CDK15: variants seen among roughly 807,000 people sequenced by gnomAD.
CDK15 encodes cyclin dependent kinase 15, also known as cyclin-dependent kinase 15.
A neutral mutation model predicts 60.3 loss-of-function variants in CDK15; 62 were observed. That is an observed-to-expected ratio of 1.03 (90% CI 0.84 to 1.27). The LOEUF (loss-of-function observed/expected upper bound fraction) is 1.27, where lower values mean the gene tolerates loss of function less well. Ranked by LOEUF, CDK15 falls within the 50% of genes most tolerant of loss-of-function variation. The pLI is 0.00. For missense variants in CDK15, 541 were observed against 527.8 expected, an observed-to-expected ratio of 1.03 and a Z score of -0.25; for synonymous variants, 194 against 195.7, an observed-to-expected ratio of 0.99 and a Z score of 0.07.
chr2:201,892,550 C>T (rs193021575), intron 13 of CDK15, among the ~76,000 whole-genome samples: 9 of 152,278 alleles, frequency 5.9e-5, no homozygotes, highest in African/African-American at 1.7e-4. Context: ...TTGTGGCCTG[C>T]GCCAGCAATT....
chr2:201,849,706 T>G (rs1454289162), intron 9 of CDK15, among the ~76,000 whole-genome samples: 3 of 152,236 alleles, frequency 2.0e-5, no homozygotes, highest in African/African-American at 7.2e-5. Flanking sequence ...TAATATAAAT[T>G]GTAATACTGA....
intron 4 of CDK15, among the ~76,000 whole-genome samples, chr2:201,814,667 A>G (rs1452669729): frequency 3.3e-5 from 5 of 152,158 alleles, no homozygotes; most frequent in African/African-American, 1.2e-4. Context: ...GTCACTAGCT[A>G]AAAAGGCAAC....
chr2:201,806,868 G>A, intron 1 of CDK15, 81 bp downstream of exon 1: 7 of 1,521,994 alleles, frequency 4.6e-6, no homozygotes, highest in Non-Finnish European at 6.2e-6. Context: ...AGCGGGATCT[G>A]ATTCTTCTGC....
chr2:201,863,175 G>A (rs994720093), intron 10 of CDK15, among the ~76,000 whole-genome samples: 14 of 152,224 alleles, frequency 9.2e-5, no homozygotes, highest in Admixed American at 6.5e-4. Context: ...CAGCCACTTT[G>A]ATCTTCATTA....
At chr2:201,826,133 T>G (rs1024673756) in intron 6 of CDK15, among the ~76,000 whole-genome samples, 2 of 152,202 alleles carry the variant, frequency 1.3e-5, no homozygotes, top group Non-Finnish European at 2.9e-5. Context: ...ACTGTAGATG[T>G]GCAACGGCAT....
intron 6 of CDK15, among the ~76,000 whole-genome samples, chr2:201,832,048 A>ATT (rs60328652): frequency 8.3e-4 from 118 of 142,606 alleles, no homozygotes; most frequent in East Asian, 4.9e-3. Context: ...ATTGAAAAAC[A>ATT]TTTTTTTTTT....
At chr2:201,849,063 C>T (rs1476632407) in intron 9 of CDK15, among the ~76,000 whole-genome samples, 1 of 152,152 alleles carries the variant, frequency 6.6e-6, no homozygotes, top group Non-Finnish European at 1.5e-5. Context: ...CTTTGGAGTC[C>T]AAAGACCTGG....
chr2:201,880,437 AT>A (rs1179158493), intron 12 of CDK15, among the ~76,000 whole-genome samples: 1 of 152,180 alleles, frequency 6.6e-6, no homozygotes, highest in Non-Finnish European at 1.5e-5. Flanking sequence ...ACAGGTACAC[AT>A]TTACACTCAG....
At chr2:201,823,986 C>A (rs1696351908) in intron 6 of CDK15, among the ~76,000 whole-genome samples, 1 of 152,054 alleles carries the variant, frequency 6.6e-6, no homozygotes, top group African/African-American at 2.4e-5. Context: ...GTCATGGCTA[C>A]ATGCAAATGT....
At chr2:201,869,704 TAGAA>T (rs35459439) in intron 10 of CDK15, among the ~76,000 whole-genome samples, 5,320 of 151,992 alleles carry the variant, frequency 0.035, 319 homozygotes, top group African/African-American at 0.12. Context: ...CCACTCAAGT[TAGAA>T]AGAGTATTAA....
At chr2:201,838,012 C>G (rs972524893) in intron 8 of CDK15, among the ~76,000 whole-genome samples, 23 of 152,150 alleles carry the variant, frequency 1.5e-4, no homozygotes, top group African/African-American at 5.6e-4. Context: ...TCAGCACTGT[C>G]ACTTCAAAGG....
chr2:201,885,463 T>C (rs1332545562), intron 12 of CDK15, among the ~76,000 whole-genome samples: 3 of 152,220 alleles, frequency 2.0e-5, no homozygotes, highest in African/African-American at 4.8e-5. Flanking sequence ...AAATCCTCCA[T>C]TAATCAGCCC....
chr2:201,886,846 G>A (rs1699467677), intron 12 of CDK15, among the ~76,000 whole-genome samples: 1 of 152,152 alleles, frequency 6.6e-6, no homozygotes, highest in South Asian at 2.1e-4. Context: ...GTTTTTTCCT[G>A]TAACCTAATA....
At chr2:201,812,435 C>T (rs16838217) in intron 3 of CDK15, 48 bp from the exon 4 acceptor site, 15,155 of 1,335,018 alleles carry the variant, frequency 0.011, 194 homozygotes, top group African/African-American at 0.055. Context: ...TAAATTGCTG[C>T]TTTGAACCAC....
chr2:201,819,447 G>T (rs747834525), intron 4 of CDK15, among the ~76,000 whole-genome samples: 3 of 152,168 alleles, frequency 2.0e-5, no homozygotes, highest in Non-Finnish European at 2.9e-5. Flanking sequence ...CCAACAGTAG[G>T]GTGGGCAGGA....
At position 201,880,181 on chromosome 2, in the gene CDK15, T is replaced by TGTGTGCGTGTGCGTGAGTGC. The variant is rs777836220; in HGVS notation, c.1198+15_1198+34dup. 5 of 1,613,042 alleles carry TGTGTGCGTGTGCGTGAGTGC rather than the reference T, an allele frequency of 3.1e-6. No homozygotes were observed. The South Asian group carries it at 4.4e-5, about 14-fold the overall frequency. Reference sequence around the variant, plus strand: ...AGCTTCCTGATGGTGAGCGAGGGAGTGTGTGCGTGTGCGTGAGTGCATGTG... The same window carrying TGTGTGCGTGTGCGTGAGTGC: ...AGCTTCCTGATGGTGAGCGAGGGAGTGTGTGCGTGTGCGTGAGTGCGTGTGCGTGTGCGTGAGTGCATGTG... On this transcript the variant is annotated intron_variant, in intron 12 of 13. Transcript: ENST00000652192.
chr2:201,850,786 T>G (rs1697873842), intron 9 of CDK15, among the ~76,000 whole-genome samples: 1 of 152,188 alleles, frequency 6.6e-6, no homozygotes, highest in South Asian at 2.1e-4. Context: ...TCCTCCACAT[T>G]CTTGCCAACA....
At chr2:201,867,341 C>T (rs1364345402) in intron 10 of CDK15, among the ~76,000 whole-genome samples, 1 of 152,118 alleles carries the variant, frequency 6.6e-6, no homozygotes, top group Non-Finnish European at 1.5e-5. Context: ...GACATAATAA[C>T]AGCCCAGGCA....
At chr2:201,861,104 C>T in intron 10 of CDK15, 1 of 1,061,606 alleles carries the variant, frequency 9.4e-7, no homozygotes, top group Non-Finnish European at 1.1e-6. Flanking sequence ...TAACTGCAGG[C>T]ATCAATTCAT....
Sources: allele counts gnomAD v4.1 joint callset (sites outside exome capture counted in the v4.1 genomes callset), GRCh38; gene constraint gnomAD v4.1.1; transcripts MANE v1.5; gene names NCBI Gene and HGNC (gene_info 2026-07-23, HGNC 2026-07-21).